The following AUTS2 variants were observed in gnomAD, a reference collection of about 807,000 sequenced individuals.
AUTS2 encodes the protein activator of transcription and developmental regulator AUTS2.
Under a neutral mutation model 112.4 loss-of-function variants are expected in AUTS2, and 17 were observed. That is an observed-to-expected ratio of 0.15 (90% CI 0.10 to 0.23). AUTS2 has a LOEUF of 0.23. Among genes scored for constraint, AUTS2 ranks in the 10% least tolerant of loss-of-function variants. The pLI, the probability that AUTS2 is intolerant of heterozygous loss-of-function variation, is 1.00. For missense variants in AUTS2, 1,510 were observed against 1,701.6 expected, an observed-to-expected ratio of 0.89 and a Z score of 1.98; for synonymous variants, 751 against 702.7, an observed-to-expected ratio of 1.07 and a Z score of -1.09.
intron 5 of AUTS2, among the ~76,000 whole-genome samples, chr7:70,654,135 G>A (rs991945942): frequency 1.3e-5 from 2 of 152,154 alleles, no homozygotes; most frequent in East Asian, 3.8e-4. Flanking sequence ...AATGGTTATG[G>A]AACTATGGAA....
chr7:69,920,064 T>C (rs1795747160), intron 2 of AUTS2, among the ~76,000 whole-genome samples: 1 of 133,960 alleles, frequency 7.5e-6, no homozygotes, highest in Non-Finnish European at 1.6e-5. Flanking sequence ...GTAACTTTTT[T>C]GTTTGGGGTG....
intron 2 of AUTS2, among the ~76,000 whole-genome samples, chr7:70,020,988 T>C (rs1055777838): frequency 2.0e-5 from 3 of 151,244 alleles, no homozygotes; most frequent in African/African-American, 7.3e-5. Flanking sequence ...TTTTCTTTTC[T>C]TTTCTTTTCT....
intron 5 of AUTS2, among the ~76,000 whole-genome samples, chr7:70,689,739 G>C (rs1470824795): frequency 7.5e-6 from 1 of 133,974 alleles, no homozygotes; most frequent in Admixed American, 8.7e-5. Flanking sequence ...TCACACCACT[G>C]CACTCCAGCC....
chr7:70,785,810 T>C lies in AUTS2; in HGVS notation c.2225-145T>C, dbSNP rs1791419608. 7 of 679,278 alleles carry C rather than the reference T, an allele frequency of 1.0e-5. No individual in the cohort carries two copies. The South Asian group carries it at 1.1e-4, about 11-fold the overall frequency. 42.1% of individuals were successfully genotyped at this position (679,278 alleles called of 1,614,324 possible). A position where few individuals can be genotyped will look rare whatever the true frequency, so the allele number is the denominator to read the frequency against. ...AAATCCAAGTGTAATGAAAACCTTT[T>C]ACACCATCTGGTAGGAAAAGTGGGA... On this transcript the variant is annotated intron_variant, in intron 16 of 18. Transcript: ENST00000342771.
intron 4 of AUTS2, among the ~76,000 whole-genome samples, chr7:70,240,175 A>G (rs1245116339): frequency 6.6e-6 from 1 of 152,146 alleles, no homozygotes; most frequent in Non-Finnish European, 1.5e-5. Context: ...TAGGCTATAG[A>G]AGGAGATTTA....
At chr7:70,634,999 C>T (rs1033159565) in intron 5 of AUTS2, among the ~76,000 whole-genome samples, 47 of 152,260 alleles carry the variant, frequency 3.1e-4, no homozygotes, top group Admixed American at 6.5e-5. Flanking sequence ...TATACCCCTT[C>T]ACCATCTGTA....
chr7:70,329,393 CA>C (rs1790643148), intron 4 of AUTS2, among the ~76,000 whole-genome samples: 3 of 152,030 alleles, frequency 2.0e-5, no homozygotes, highest in Admixed American at 1.3e-4. Context: ...AAGTTCCTAC[CA>C]GCAATATATG....
chr7:70,785,296 T>C, intron 16 of AUTS2: 1 of 608,454 alleles, frequency 1.6e-6, no homozygotes, highest in South Asian at 1.7e-5. Context: ...CATTCCTTGG[T>C]ATCTCAGGGA....
intron 2 of AUTS2, among the ~76,000 whole-genome samples, chr7:69,944,616 C>T (rs1017203508): frequency 6.6e-6 from 1 of 152,172 alleles, no homozygotes; most frequent in East Asian, 1.9e-4. Context: ...GAATGGTCAG[C>T]AACTTTGTTC....
intron 4 of AUTS2, among the ~76,000 whole-genome samples, chr7:70,282,277 T>G (rs1282540410): frequency 6.6e-6 from 1 of 152,228 alleles, no homozygotes; most frequent in Non-Finnish European, 1.5e-5. Context: ...CACATTTTAG[T>G]TATTTGTTAC....
chr7:69,894,278 T>TTTTTTTC (rs1491190658), intron 1 of AUTS2, among the ~76,000 whole-genome samples: 3 of 118,250 alleles, frequency 2.5e-5, no homozygotes, highest in Non-Finnish European at 5.7e-5. Context: ...TTTTTTTTTT[T>TTTTTTTC]AACAGATTTC....
At chr7:70,372,372 A>G (rs1322935159) in intron 4 of AUTS2, among the ~76,000 whole-genome samples, 1 of 152,196 alleles carries the variant, frequency 6.6e-6, no homozygotes, top group Non-Finnish European at 1.5e-5. Flanking sequence ...TTTTGTCTTA[A>G]TGGAACTGCT....
chr7:70,366,774 A>G (rs1436687417), intron 4 of AUTS2, among the ~76,000 whole-genome samples: 1 of 152,170 alleles, frequency 6.6e-6, no homozygotes, highest in Non-Finnish European at 1.5e-5. Flanking sequence ...CGGAGAAACA[A>G]AAGAGGAGAG....
chr7:69,948,701 G>A (rs1468530533), intron 2 of AUTS2, among the ~76,000 whole-genome samples: 2 of 152,110 alleles, frequency 1.3e-5, no homozygotes, highest in African/African-American at 2.4e-5. Context: ...GACTCAGTGA[G>A]ATGAACTGCT....
intron 4 of AUTS2, chr7:70,290,867 A>G (rs2129611910): frequency 6.0e-6 from 1 of 165,846 alleles, no homozygotes; most frequent in South Asian, 2.0e-4. Flanking sequence ...TTAGCCAAAC[A>G]TAATCGACAG....
chr7:70,791,219 C>A lies in AUTS2; in HGVS notation c.*223C>A. ...GCCCAGTCATATGTTCTCACGTCTCCTACTTTTTGTTTCTCGTATAAAACT... is the reference window on the plus strand; with the variant it reads ...GCCCAGTCATATGTTCTCACGTCTCATACTTTTTGTTTCTCGTATAAAACT... On this transcript the variant is annotated 3_prime_UTR_variant, in exon 19 of 19. Coordinates refer to ENST00000342771, the MANE Select transcript of AUTS2 (RefSeq NM_015570.4). The A allele has an allele frequency of 2.5e-6, 1 of 402,458 alleles. No homozygotes were observed. The highest frequency in any genetic ancestry group is 4.1e-6 in the Non-Finnish European group (1 of 241,934). The allele number at this position is 402,458 out of a possible 1,614,324, so 24.9% of individuals were successfully genotyped here. A position where few individuals can be genotyped will look rare whatever the true frequency, so the allele number is the denominator to read the frequency against.
chr7:70,063,460 A>G (rs1475940479), intron 2 of AUTS2, among the ~76,000 whole-genome samples: 1 of 152,192 alleles, frequency 6.6e-6, no homozygotes, highest in Non-Finnish European at 1.5e-5. Context: ...GCTTTCTCGT[A>G]TCCTGGCTTG....
intron 1 of AUTS2, among the ~76,000 whole-genome samples, chr7:69,609,832 T>C (rs1471057308): frequency 2.0e-5 from 3 of 152,270 alleles, no homozygotes; most frequent in East Asian, 3.8e-4. Context: ...CTCATGTGTA[T>C]GTATTCATAG....
chr7:70,580,515 A>G (rs1024185125), intron 5 of AUTS2, among the ~76,000 whole-genome samples: 1 of 152,094 alleles, frequency 6.6e-6, no homozygotes, highest in African/African-American at 2.4e-5. Flanking sequence ...CCTGTGGAAA[A>G]ACAGTTCCGA....
Sources: gnomAD v4.1 joint callset for allele counts (sites outside exome capture counted in the v4.1 genomes callset) on GRCh38, gnomAD v4.1.1 for gene constraint, MANE v1.5 for transcripts, NCBI Gene and HGNC (gene_info 2026-07-23, HGNC 2026-07-21) for gene names.